The following PMS1 variants were observed in gnomAD, a reference collection of about 807,000 sequenced individuals.
PMS1 encodes PMS1 protein homolog 1.
In PMS1, 79 loss-of-function variants were observed where a neutral mutation model predicts 93.1. That is an observed-to-expected ratio of 0.85 (90% confidence interval 0.71 to 1.02). The LOEUF is 1.02. Ranked by LOEUF, PMS1 falls within the 50% of genes least tolerant of loss-of-function variation. PMS1 has a pLI of 0.00. For synonymous variants in PMS1, 335 were observed against 363.4 expected (o/e 0.92, Z 0.89); for missense variants, 1,064 against 1,085.3 (o/e 0.98, Z 0.28).
chr2:189,801,385 C>T (rs2049874669), intron 3 of PMS1, among the ~76,000 whole-genome samples: 1 of 152,280 alleles, frequency 6.6e-6, no homozygotes, highest in African/African-American at 2.4e-5. Flanking sequence ...TTACTAAGCA[C>T]AGTGACTGGG....
At position 189,877,263 on chromosome 2, in the gene PMS1, T is replaced by G; in HGVS notation, c.2635-9T>G. 2 of 1,612,880 alleles carry G rather than the reference T, an allele frequency of 1.2e-6. No homozygotes were observed. Among genetic ancestry groups the G allele is most frequent in the Non-Finnish European group, 1.7e-6 (2 of 1,178,934 alleles). ...TCATGGTAAAATGTGTGACTTTCCCTTTGGACAGGGAGAAGCAGTGCGTCT... is the reference window on the plus strand; with the variant it reads ...TCATGGTAAAATGTGTGACTTTCCCGTTGGACAGGGAGAAGCAGTGCGTCT... On this transcript the variant is annotated splice_polypyrimidine_tract_variant and intron_variant, in intron 12 of 12. Transcript: ENST00000441310.
At position 189,795,844 on chromosome 2, in the gene PMS1, G is replaced by A. The variant is rs753676547; in HGVS notation, c.208G>A (p.Ala70Thr). The A allele has an allele frequency of 1.9e-6, 3 of 1,612,484 alleles. No homozygotes were observed. The highest frequency in any genetic ancestry group is 2.2e-5 in the South Asian group (2 of 91,058). Residue 70 changes from alanine to threonine, a missense_variant, in exon 3 of 13, where the codon GCA (alanine) becomes ACA (threonine). Physicochemically the swap from Ala to Thr is moderately conservative, Grantham distance 58 (BLOSUM62 0). Transcript: ENST00000441310. Reference protein sequence around the residue: ...GIKAVDAPVMAMKYYTSKINS... With the variant: ...GIKAVDAPVMTMKYYTSKINS... ...CAAGGCTGTTGATGCACCTGTAATGGCAATGAAGTACTACACCTCAAAAAT... is the reference window on the plus strand; with the variant it reads ...CAAGGCTGTTGATGCACCTGTAATGACAATGAAGTACTACACCTCAAAAAT...
At chr2:189,816,319 T>C (rs1016951927) in intron 4 of PMS1, among the ~76,000 whole-genome samples, 2 of 152,228 alleles carry the variant, frequency 1.3e-5, no homozygotes, top group African/African-American at 4.8e-5. Context: ...TTTTGCCCTA[T>C]ACCTATCTTA....
intron 4 of PMS1, among the ~76,000 whole-genome samples, chr2:189,815,016 A>T (rs183730830): frequency 1.3e-5 from 2 of 151,582 alleles, no homozygotes; most frequent in African/African-American, 4.8e-5. Context: ...GGAGAATGGC[A>T]TGAACCTAGG....
intron 10 of PMS1, among the ~76,000 whole-genome samples, chr2:189,866,076 T>C (rs2056632545): frequency 6.6e-6 from 1 of 152,186 alleles, no homozygotes; most frequent in South Asian, 2.1e-4. Context: ...CTTAGGAAAC[T>C]GTCAGAGGAA....
chr2:189,810,386 C>T (rs1417409202), intron 4 of PMS1, among the ~76,000 whole-genome samples: 1 of 152,176 alleles, frequency 6.6e-6, no homozygotes, highest in African/African-American at 2.4e-5. Context: ...ACTACATCCT[C>T]CTAGAAAAGA....
At chr2:189,790,053 T>C (rs1183878203) in intron 1 of PMS1, among the ~76,000 whole-genome samples, 1 of 152,214 alleles carries the variant, frequency 6.6e-6, no homozygotes, top group Non-Finnish European at 1.5e-5. Flanking sequence ...GGACCTCAAA[T>C]GCCAACTTAG....
intron 9 of PMS1, among the ~76,000 whole-genome samples, chr2:189,861,479 G>A (rs2055989926): frequency 6.6e-6 from 1 of 151,384 alleles, no homozygotes; most frequent in Non-Finnish European, 1.5e-5. Context: ...GCCAGGCGCA[G>A]TGGCTCATGC....
intron 1 of PMS1, among the ~76,000 whole-genome samples, chr2:189,785,751 A>G (rs975636455): frequency 3.9e-5 from 6 of 152,102 alleles, no homozygotes; most frequent in East Asian, 3.9e-4. Context: ...TTGATACTGA[A>G]CTAAATCTGG....
At chr2:189,841,786 A>AAACAATGC (rs2106406577) in intron 5 of PMS1, among the ~76,000 whole-genome samples, 1 of 396 alleles carries the variant, frequency 2.5e-3, no homozygotes, top group East Asian at 0.056. Flanking sequence ...TCAAATGGTT[A>AAACAATGC]AACAATGCAA....
chr2:189,794,640 T>G (rs1003743990), intron 2 of PMS1, among the ~76,000 whole-genome samples: 1 of 152,200 alleles, frequency 6.6e-6, no homozygotes, highest in Non-Finnish European at 1.5e-5. Context: ...CACATAAGAC[T>G]TTGTGGAGTA....
chr2:189,806,608 G>C (rs1384339265), intron 4 of PMS1: 1 of 198,882 alleles, frequency 5.0e-6, no homozygotes, highest in African/African-American at 2.3e-5. Flanking sequence ...GTGTTGCCCA[G>C]CTGGCCTCGA....
chr2:189,819,052 C>G (rs752886473), intron 5 of PMS1, among the ~76,000 whole-genome samples: 1 of 152,218 alleles, frequency 6.6e-6, no homozygotes, highest in Non-Finnish European at 1.5e-5. Flanking sequence ...ACCCTCCTCC[C>G]TCTCTACCTT....
chr2:189,849,957 G>A (rs2054569822), intron 6 of PMS1, among the ~76,000 whole-genome samples: 1 of 150,546 alleles, frequency 6.6e-6, no homozygotes, highest in African/African-American at 2.5e-5. Context: ...TCTTGAATGG[G>A]GTGTTTTCAG....
intron 9 of PMS1, among the ~76,000 whole-genome samples, chr2:189,860,767 T>C (rs2055878340): frequency 6.8e-6 from 1 of 147,520 alleles, no homozygotes; most frequent in Non-Finnish European, 1.5e-5. Context: ...AAGTAGGTGA[T>C]AATATTGCTA....
At position 189,833,665 on chromosome 2, in the gene PMS1, T is replaced by G. The variant is rs188484895; in HGVS notation, c.583-10299T>G. On this transcript the variant is annotated intron_variant, in intron 5 of 12. Coordinates refer to ENST00000441310, the MANE Select transcript of PMS1 (RefSeq NM_000534.5). ...CTGATACTTTTTCATTAGGCTTTGC[T>G]TATAAACTTTAAATGTTATAATGAT... is the stretch of plus-strand genomic sequence containing the variant. 2.6e-4 allele frequency among the ~76,000 whole-genome samples: 40 copies of G among 152,314 alleles called. 1 individual carries two copies. In the East Asian group the frequency reaches 6.7e-3, roughly 26 times the overall value.
chr2:189,855,146 G>T lies in PMS1; in HGVS notation c.1856+18G>T. 1 of 1,602,436 alleles carries T rather than the reference G, an allele frequency of 6.2e-7. No homozygotes were observed. Among genetic ancestry groups the T allele is most frequent in the Non-Finnish European group, 8.5e-7 (1 of 1,170,532 alleles). On this transcript the variant is annotated intron_variant, in intron 9 of 12. Coordinates refer to ENST00000441310, the MANE Select transcript of PMS1 (RefSeq NM_000534.5). ...AAACTGAAGTAAGTTTCCAGAGCTT[G>T]CATGTGACTTGAATGTTCAGCTATT...
intron 9 of PMS1, among the ~76,000 whole-genome samples, chr2:189,860,684 C>T (rs928957605): frequency 4.6e-5 from 7 of 151,468 alleles, no homozygotes; most frequent in Admixed American, 1.3e-4. Context: ...GACAAATGTT[C>T]CATGTTCACT....
At chr2:189,810,980 CA>C (rs67298187) in intron 4 of PMS1, among the ~76,000 whole-genome samples, 8,622 of 94,554 alleles carry the variant, frequency 0.091, 426 homozygotes, top group African/African-American at 0.17. Flanking sequence ...AATTAACAGA[CA>C]AAAAAAAAAA....
Sources: allele counts gnomAD v4.1 joint callset (sites outside exome capture counted in the v4.1 genomes callset), GRCh38; gene constraint gnomAD v4.1.1; transcripts MANE v1.5; gene names NCBI Gene and HGNC (gene_info 2026-07-23, HGNC 2026-07-21).